ATP2B2: variants seen among roughly 807,000 people sequenced by gnomAD.
ATP2B2 encodes the protein plasma membrane calcium-transporting ATPase 2.
In ATP2B2, 15 loss-of-function variants were observed where a neutral mutation model predicts 120.0. The ratio of observed to expected loss-of-function variants is 0.12; its 90% CI spans 0.08 to 0.19. The LOEUF (loss-of-function observed/expected upper bound fraction) is 0.19. Ranked by LOEUF, ATP2B2 falls within the 10% of genes least tolerant of loss-of-function variation. The pLI is 1.00. For missense variants in ATP2B2, 1,045 were observed against 1,719.8 expected, an observed-to-expected ratio of 0.61 and a Z score of 6.94; for synonymous variants, 694 against 700.3, an observed-to-expected ratio of 0.99 and a Z score of 0.14.
intron 12 of ATP2B2, among the ~76,000 whole-genome samples, chr3:10,362,056 G>A (rs1274548982): frequency 2.0e-5 from 3 of 152,330 alleles, no homozygotes; most frequent in South Asian, 2.1e-4. Context: ...CATTGAGACA[G>A]GTGACTCAGG....
intron 1 of ATP2B2, among the ~76,000 whole-genome samples, chr3:10,657,302 C>T (rs1188584376): frequency 6.6e-6 from 1 of 152,230 alleles, no homozygotes; most frequent in Non-Finnish European, 1.5e-5. Flanking sequence ...GCCATTCCCA[C>T]CTTCTCCATC....
intron 1 of ATP2B2, among the ~76,000 whole-genome samples, chr3:10,649,425 G>A (rs942259034): frequency 1.3e-5 from 2 of 152,124 alleles, no homozygotes; most frequent in African/African-American, 2.4e-5. Context: ...GCTCACCCCC[G>A]CCAGCCTCAT....
chr3:10,634,233 A>G (rs537760353), intron 1 of ATP2B2, among the ~76,000 whole-genome samples: 2 of 152,356 alleles, frequency 1.3e-5, no homozygotes, highest in African/African-American at 4.8e-5. Context: ...TGTTATTTAC[A>G]GGCAAAGTGC....
At chr3:10,354,031 C>G (rs548839532) in intron 14 of ATP2B2, among the ~76,000 whole-genome samples, 2 of 152,314 alleles carry the variant, frequency 1.3e-5, no homozygotes, top group East Asian at 3.9e-4. Flanking sequence ...CACTCTGCAT[C>G]CCTTCCTGCC....
intron 1 of ATP2B2, among the ~76,000 whole-genome samples, chr3:10,680,132 C>T (rs2071346563): frequency 6.6e-6 from 1 of 152,170 alleles, no homozygotes. Context: ...TCCTGACATG[C>T]ATCTTAAAAA....
Position 10,551,419 on chromosome 3 carries a change from C to A in ATP2B2, c.-414-17286G>T, listed in dbSNP as rs535344687. Among the ~76,000 whole-genome samples the A allele has an allele frequency of 1.4e-4, 22 of 152,322 alleles. No homozygotes were observed. The South Asian group carries it at 4.6e-3, about 32-fold the overall frequency. ...GCGGCCAAGCTCAACGTCTCAGATG[C>A]GGATCTGTGATCACTGTCAGTGCTA... On this transcript the variant is annotated intron_variant, in intron 2 of 21. Coordinates refer to the ATP2B2 transcript ENST00000646379.
Position 10,392,641 on chromosome 3 carries a change from T to C in ATP2B2, c.782-4239A>G, listed in dbSNP as rs575907400. On this transcript the variant is annotated intron_variant, in intron 5 of 22. Transcript: ENST00000360273. ...CTGTCCACAGTCCCTTGGGCAGCAC[T>C]CTGTAGCCCCCACCTCCTCTAACTG... is the stretch of plus-strand genomic sequence containing the variant. Among the ~76,000 whole-genome samples, 3 of 152,272 alleles carry C rather than the reference T, an allele frequency of 2.0e-5. No individual in the cohort carries two copies. In the East Asian group the frequency reaches 5.8e-4, roughly 29 times the overall value.
intron 2 of ATP2B2, among the ~76,000 whole-genome samples, chr3:10,583,878 C>G (rs1013125837): frequency 1.9e-4 from 29 of 152,144 alleles, no homozygotes; most frequent in African/African-American, 7.0e-4. Context: ...ACACTGATCT[C>G]CCGCCATCAG....
chr3:10,503,898 G>A (rs1428337424), intron 1 of ATP2B2, among the ~76,000 whole-genome samples: 1 of 152,254 alleles, frequency 6.6e-6, no homozygotes, highest in Non-Finnish European at 1.5e-5. Flanking sequence ...AGGTGTGTAT[G>A]TGTGTACTGC....
chr3:10,401,153 G>A lies in ATP2B2; in HGVS notation c.656-75C>T, dbSNP rs531832530. 90 of 1,574,470 alleles carry A rather than the reference G, an allele frequency of 5.7e-5. No homozygotes were observed. In the East Asian group the frequency reaches 8.9e-4, roughly 16 times the overall value. On this transcript the variant is annotated intron_variant, in intron 4 of 22. Transcript: ENST00000360273. Reference sequence around the variant, plus strand: ...GGCTGGAACATTCCCTTAAAGGTGCGATTACCAGGGAAGGTTTGCCATCAG... The same window carrying A: ...GGCTGGAACATTCCCTTAAAGGTGCAATTACCAGGGAAGGTTTGCCATCAG...
chr3:10,577,306 C>CGT, intron 2 of ATP2B2, among the ~76,000 whole-genome samples: 2 of 152,274 alleles, frequency 1.3e-5, no homozygotes, highest in Middle Eastern at 6.8e-3. Flanking sequence ...TCTGGGGTTC[C>CGT]AGACACTGGC....
intron 2 of ATP2B2, among the ~76,000 whole-genome samples, chr3:10,441,938 C>G (rs1009821251): frequency 2.6e-5 from 4 of 152,156 alleles, no homozygotes; most frequent in Admixed American, 6.5e-5. Flanking sequence ...AGTCAATGGT[C>G]TCCATATTCC....
rs1422978863 is a variant in ATP2B2, at chr3:10,327,100, T to G, written c.*1714A>C. ...TGCTGAAAAGTCTCAAAGCAAACTT[T>G]GTATTAAATACAAAAGTTCTTTTAT... On this transcript the variant is annotated 3_prime_UTR_variant, in exon 23 of 23. Coordinates refer to ENST00000360273, the MANE Select transcript of ATP2B2 (RefSeq NM_001001331.4). 8.2e-6 allele frequency: 3 copies of G among 367,172 alleles called. No individual in the cohort carries two copies. The highest frequency in any genetic ancestry group is 4.6e-5 in the Admixed American group (1 of 21,836). 22.7% of individuals were successfully genotyped at this position (367,172 alleles called of 1,614,324 possible).
intron 2 of ATP2B2, among the ~76,000 whole-genome samples, chr3:10,443,128 G>T (rs2063724556): frequency 6.6e-6 from 1 of 152,184 alleles, no homozygotes; most frequent in Non-Finnish European, 1.5e-5. Flanking sequence ...AGAATCTTTA[G>T]CCATGTTATA....
At chr3:10,682,245 G>C (rs536329618) in intron 1 of ATP2B2, among the ~76,000 whole-genome samples, 2 of 152,256 alleles carry the variant, frequency 1.3e-5, no homozygotes, top group South Asian at 2.1e-4. Context: ...AATCCTCTTT[G>C]CCCTGATAGC....
At chr3:10,604,864 C>A (rs1259505767) in intron 2 of ATP2B2, among the ~76,000 whole-genome samples, 2 of 152,158 alleles carry the variant, frequency 1.3e-5, no homozygotes, top group African/African-American at 2.4e-5. Context: ...GGGTGTGGGG[C>A]CTGTGGATAT....
At chr3:10,504,844 C>A (rs913621622) in intron 1 of ATP2B2, among the ~76,000 whole-genome samples, 1 of 152,154 alleles carries the variant, frequency 6.6e-6, no homozygotes, top group Non-Finnish European at 1.5e-5. Flanking sequence ...GGCCTGGCCA[C>A]CCGTTCCTGC....
intron 1 of ATP2B2, among the ~76,000 whole-genome samples, chr3:10,621,067 C>T (rs1335823028): frequency 6.6e-6 from 1 of 152,188 alleles, no homozygotes; most frequent in Non-Finnish European, 1.5e-5. Flanking sequence ...TCTCCTGAGC[C>T]CTGCTGTGCT....
chr3:10,357,825 C>T (rs964425661), intron 14 of ATP2B2, among the ~76,000 whole-genome samples: 1 of 152,180 alleles, frequency 6.6e-6, no homozygotes, highest in Non-Finnish European at 1.5e-5. Flanking sequence ...CTGCCATGCA[C>T]CGTTTTGGAG....
Sources: gnomAD v4.1 joint callset for allele counts (sites outside exome capture counted in the v4.1 genomes callset) on GRCh38, gnomAD v4.1.1 for gene constraint, MANE v1.5 for transcripts, NCBI Gene and HGNC (gene_info 2026-07-23, HGNC 2026-07-21) for gene names.